Variants in CITED2 observed in about 807,000 individuals in gnomAD.
The protein encoded by CITED2 is cbp/p300-interacting transactivator 2.
A neutral mutation model predicts 11.8 loss-of-function variants in CITED2; 2 were observed. The ratio of observed to expected loss-of-function variants is 0.17; its 90% CI spans 0.07 to 0.54. CITED2 has a LOEUF of 0.54. Among genes scored for constraint, CITED2 ranks in the 20% least tolerant of loss-of-function variants. The pLI is 0.94. For missense variants in CITED2, 437 were observed against 390.2 expected (o/e 1.12, Z -1.01); for synonymous variants, 210 against 153.0 (o/e 1.37, Z -2.75).
chr6:139,373,084 G>A lies in CITED2; in HGVS notation c.*48C>T, dbSNP rs373695259. ...TAAGGGAATGTTTCTTTTAATTCAC[G>A]CCGAAGAAGTTGGGGGTTTGATTTC... On this transcript the variant is annotated 3_prime_UTR_variant, in exon 2 of 2. Transcript: ENST00000367651. 78 of 1,534,500 alleles carry A rather than the reference G, an allele frequency of 5.1e-5. 1 individual carries two copies. The African/African-American group carries it at 9.0e-4, about 18-fold the overall frequency.
chr6:139,373,464 T>A lies in CITED2; in HGVS notation c.481A>T (p.Ser161Cys). The change falls in exon 2 of 2, where the codon AGC (serine) becomes TGC (cysteine). Residue 161 changes from serine (S) to cysteine (C), a missense_variant. By Grantham distance (112) the Ser-to-Cys change is moderately radical. Transcript: ENST00000367651. ...CCGCCGGGGGTGCTGCTGCCGCCGC[T>A]GTGCTTGGGGTTGCAATCTCGGAAG... ...QHFRDCNPKHSGGSSTPGGSG... is the reference protein window; with the variant it reads ...QHFRDCNPKHCGGSSTPGGSG... 1.9e-6 allele frequency: 3 copies of A among 1,570,760 alleles called. No homozygotes were observed. The highest frequency in any genetic ancestry group is 2.6e-6 in the Non-Finnish European group (3 of 1,159,460).
chr6:139,373,037 C>CTGAAAA lies in CITED2; in HGVS notation c.*89_*94dup. 1 of 1,209,728 alleles carries CTGAAAA rather than the reference C, an allele frequency of 8.3e-7. No individual in the cohort carries two copies. Among genetic ancestry groups the CTGAAAA allele is most frequent in the Non-Finnish European group, 1.2e-6 (1 of 813,294 alleles). 74.9% of individuals were successfully genotyped at this position (1,209,728 alleles called of 1,614,324 possible). On this transcript the variant is annotated 3_prime_UTR_variant, in exon 2 of 2. Transcript: ENST00000367651. ...TCCAAGTTCTCAAACCTTTCAAGATCTGAAAAGTGAGATACTGTGTCTAAG... is the reference window on the plus strand; with the variant it reads ...TCCAAGTTCTCAAACCTTTCAAGATCTGAAAATGAAAAGTGAGATACTGTGTCTAAG...
chr6:139,373,072 C>T lies in CITED2; in HGVS notation c.*60G>A, dbSNP rs1778284114. On this transcript the variant is annotated 3_prime_UTR_variant, in exon 2 of 2. Coordinates refer to ENST00000367651, the MANE Select transcript of CITED2 (RefSeq NM_006079.5). ...AGATACTGTGTCTAAGGGAATGTTT[C>T]TTTTAATTCACGCCGAAGAAGTTGG... is the stretch of plus-strand genomic sequence containing the variant. 4.0e-6 allele frequency: 6 copies of T among 1,486,406 alleles called. No individual in the cohort carries two copies. Among genetic ancestry groups the T allele is most frequent in the Non-Finnish European group, 4.7e-6 (5 of 1,064,626 alleles). The allele number at this position is 1,486,406 out of a possible 1,614,324, so 92.1% of individuals were successfully genotyped here.
chr6:139,374,053 G>A, intron 1 of CITED2, 101 bp from the exon 2 acceptor site: 1 of 1,527,214 alleles, frequency 6.5e-7, no homozygotes, highest in Non-Finnish European at 8.8e-7. Context: ...ATTCCCGGGC[G>A]CACGTCGGCT....
chr6:139,374,254 T>G (rs1778331063), intron 1 of CITED2, 159 bp downstream of exon 1: 1 of 1,327,330 alleles, frequency 7.5e-7, no homozygotes, highest in African/African-American at 1.5e-5. Flanking sequence ...CCCGTAGCCC[T>G]GCTGCGAACT....
intron 1 of CITED2, 27 bp from the exon 2 acceptor site, chr6:139,373,979 G>C (rs752938763): frequency 4.4e-6 from 7 of 1,583,302 alleles, no homozygotes; most frequent in Non-Finnish European, 6.0e-6. Context: ...CAGATAATGA[G>C]ACCCGCGCCA....
rs1028523034 is a variant in CITED2 at position 139,374,570 on chromosome 6, G to C, written c.-166C>G. 1.6e-5 allele frequency: 3 copies of C among 183,748 alleles called. No homozygotes were observed. Among genetic ancestry groups the C allele is most frequent in the Non-Finnish European group, 3.4e-5 (3 of 88,284 alleles). The allele number at this position is 183,748 out of a possible 1,614,324, so 11.4% of individuals were successfully genotyped here. A position where few individuals can be genotyped will look rare whatever the true frequency, so the allele number is the denominator to read the frequency against. ...TCGCAGCGGCCGCTGGGGCAGATTC[G>C]GAGCCGTTCCCTTTTATTTCCCCTC... On this transcript the variant is annotated 5_prime_UTR_variant, in exon 1 of 2. Coordinates refer to ENST00000367651, the MANE Select transcript of CITED2 (RefSeq NM_006079.5).
chr6:139,373,972 A>T lies in CITED2; in HGVS notation c.-8-20T>A. The T allele has an allele frequency of 1.3e-6, 2 of 1,561,014 alleles. No individual in the cohort carries two copies. Among genetic ancestry groups the T allele is most frequent in the Non-Finnish European group, 1.7e-6 (2 of 1,155,548 alleles). Reference sequence around the variant, plus strand: ...CCAGTCCTGGAAGTGAAAAGGGCAGATAATGAGACCCGCGCCACACGTGTC... The same window carrying T: ...CCAGTCCTGGAAGTGAAAAGGGCAGTTAATGAGACCCGCGCCACACGTGTC... On this transcript the variant is annotated intron_variant, in intron 1 of 1. Transcript: ENST00000367651.
rs371608085 is a variant in CITED2 at position 139,373,088 on chromosome 6, A to C, written c.*44T>G. On this transcript the variant is annotated 3_prime_UTR_variant, in exon 2 of 2. Coordinates refer to ENST00000367651, the MANE Select transcript of CITED2 (RefSeq NM_006079.5). The stretch of plus-strand genomic sequence containing the variant: ...GGAATGTTTCTTTTAATTCACGCCG[A>C]AGAAGTTGGGGGTTTGATTTCTTTC... The C allele has an allele frequency of 1.7e-4, 262 of 1,552,358 alleles. No individual in the cohort carries two copies. The African/African-American group carries it at 3.3e-3, about 20-fold the overall frequency.
Position 139,373,475 on chromosome 6 carries a change from T to A in CITED2, c.470A>T (p.Asn157Ile), listed in dbSNP as rs747496747. The A allele has an allele frequency of 1.2e-6, 2 of 1,602,470 alleles. No homozygotes were observed. The highest frequency in any genetic ancestry group is 4.5e-5 in the East Asian group (2 of 44,578). Residue 157 changes from asparagine to isoleucine, a missense_variant, in exon 2 of 2, where the codon AAC becomes ATC. By Grantham distance (149) the Asn-to-Ile change is moderately radical. Coordinates refer to ENST00000367651, the MANE Select transcript of CITED2 (RefSeq NM_006079.5). ...GCTGCTGCCGCCGCTGTGCTTGGGG[T>A]TGCAATCTCGGAAGTGCTGGTTTGT... ...NGTNQHFRDC[N>I]PKHSGGSSTP...
Position 139,373,953 on chromosome 6 carries a change from C to T in CITED2, c.-8-1G>A. On this transcript the variant is annotated splice_acceptor_variant, in intron 1 of 1. Coordinates refer to ENST00000367651, the MANE Select transcript of CITED2 (RefSeq NM_006079.5). LOFTEE classifies it low-confidence loss of function (5UTR_SPLICE). ...ATCATATGGTCTGCCATTTCCAGTC[C>T]TGGAAGTGAAAAGGGCAGATAATGA... The T allele has an allele frequency of 1.3e-6, 2 of 1,597,326 alleles. No individual in the cohort carries two copies. Among genetic ancestry groups the T allele is most frequent in the Non-Finnish European group, 1.7e-6 (2 of 1,179,362 alleles).
chr6:139,374,114 C>A, intron 1 of CITED2, 162 bp from the exon 2 acceptor site: 3 of 1,496,430 alleles, frequency 2.0e-6, no homozygotes, highest in Non-Finnish European at 2.7e-6. Flanking sequence ...CCCGGGCTAG[C>A]CACCACGGAA....
Position 139,373,609 on chromosome 6 carries a change from G to A in CITED2, c.336C>T (p.Ala112=), listed in dbSNP as rs749894356. The change falls in exon 2 of 2, where the codon GCC becomes GCT. Residue 112 remains alanine, a synonymous_variant. Coordinates refer to ENST00000367651, the MANE Select transcript of CITED2 (RefSeq NM_006079.5). ...PVASQGGSLP[A]SMQLQKLNNQ... ...TGTTGAGCTTCTGCAGCTGCATGCT[G>A]GCCGGCAGGGAGCCTCCCTGGCTGG... is the stretch of plus-strand genomic sequence containing the variant. The A allele has an allele frequency of 4.3e-6, 7 of 1,614,080 alleles. No homozygotes were observed. The Admixed American group carries it at 1.0e-4, about 23-fold the overall frequency.
At position 139,372,949 on chromosome 6, in the gene CITED2, G is replaced by GA. The variant is rs970228906; in HGVS notation, c.*182dup. The GA allele has an allele frequency of 8.5e-5, 56 of 657,912 alleles. No homozygotes were observed. The highest frequency in any genetic ancestry group is 2.3e-4 in the Admixed American group (9 of 39,092). 40.8% of individuals were successfully genotyped at this position (657,912 alleles called of 1,614,324 possible). ...GGCTACAAAAACGAAACAAAAACAG[G>GA]AAAAAAAAGTGGCAGCAATTTTTTT... On this transcript the variant is annotated 3_prime_UTR_variant, in exon 2 of 2. Coordinates refer to ENST00000367651, the MANE Select transcript of CITED2 (RefSeq NM_006079.5).
chr6:139,373,256 G>A lies in CITED2; in HGVS notation c.689C>T (p.Ser230Phe). The A allele has an allele frequency of 1.2e-6, 2 of 1,614,146 alleles. No individual in the cohort carries two copies. Among genetic ancestry groups the A allele is most frequent in the Non-Finnish European group, 1.7e-6 (2 of 1,180,036 alleles). Residue 230 changes from serine (S) to phenylalanine (F), a missense_variant, in exon 2 of 2, where the codon TCC becomes TTC. By Grantham distance (155) the Ser-to-Phe change is radical. Transcript: ENST00000367651. Reference protein sequence around the residue: ...TDFIDEEVLMSLVIEMGLDRI... With the variant: ...TDFIDEEVLMFLVIEMGLDRI... The stretch of plus-strand genomic sequence containing the variant: ...GTCCAAACCCATTTCTATCACCAAG[G>A]ACATAAGAACTTCCTCGTCGATGAA...
Position 139,373,699 on chromosome 6 carries a change from G to T in CITED2, c.246C>A (p.His82Gln). The T allele has an allele frequency of 6.2e-7, 1 of 1,610,772 alleles. No individual in the cohort carries two copies. Among genetic ancestry groups the T allele is most frequent in the Non-Finnish European group, 8.5e-7 (1 of 1,179,750 alleles). Residue 82 changes from histidine (H) to glutamine (Q), a missense_variant, in exon 2 of 2, where the codon CAC becomes CAA. His to Gln is a conservative substitution (Grantham distance 24). Around this residue, in one of 3 missense-constraint regions of CITED2, gnomAD observed 396 missense variants for 325.2 expected, o/e 1.22. Coordinates refer to ENST00000367651, the MANE Select transcript of CITED2 (RefSeq NM_006079.5). ...AMGPGTVNGG[H>Q]PPSALAPAAR... ...CCGCGGGGGCCAGCGCGCTCGGGGG[G>T]TGCCCTCCGTTCACAGTCCCCGGCC...
At position 139,372,449 on chromosome 6, in the gene CITED2, A is replaced by C. The variant is rs1778262894; in HGVS notation, c.*683T>G. On this transcript the variant is annotated 3_prime_UTR_variant, in exon 2 of 2. Coordinates refer to ENST00000367651, the MANE Select transcript of CITED2 (RefSeq NM_006079.5). The stretch of plus-strand genomic sequence containing the variant: ...ATGTTGAAGACAGAAACAAAATAAA[A>C]ATCTGTGAAATGTTTGCCACTGACG... 2 of 87,108 alleles carry C rather than the reference A, an allele frequency of 2.3e-5. No homozygotes were observed. Among genetic ancestry groups the C allele is most frequent in the African/African-American group, 2.0e-4 (2 of 10,088 alleles). 5.4% of individuals were successfully genotyped at this position (87,108 alleles called of 1,614,324 possible). A position where few individuals can be genotyped will look rare whatever the true frequency, so the allele number is the denominator to read the frequency against.
chr6:139,373,394 CCCGAGCTGCTGCCAGAGCCGCCGG>C lies in CITED2; in HGVS notation c.527_550del (p.Pro176_Gly184delinsArg). 1.9e-6 allele frequency: 3 copies of C among 1,567,316 alleles called. No homozygotes were observed. The highest frequency in any genetic ancestry group is 1.7e-6 in the Non-Finnish European group (2 of 1,159,580). On this transcript the variant is annotated inframe_deletion, in exon 2 of 2. Transcript: ENST00000367651. ...GCTGTTGCTGCTGCCCGCGCCGCCG[CCCGAGCTGCTGCCAGAGCCGCCGG>C]GGGTGCTGCTGCCGCCCGAGCCGCC...
rs1778289255 is a variant in CITED2 at position 139,373,273 on chromosome 6, G to A, written c.672C>T (p.Asp224=). The A allele has an allele frequency of 3.7e-6, 6 of 1,613,952 alleles. No individual in the cohort carries two copies. The highest frequency in any genetic ancestry group is 4.5e-5 in the East Asian group (2 of 44,878). The change falls in exon 2 of 2, where the codon GAC becomes GAT. Residue 224 remains aspartate (D), a synonymous_variant. Coordinates refer to ENST00000367651, the MANE Select transcript of CITED2 (RefSeq NM_006079.5). The part of the protein sequence containing the change: ...PPNVIDTDFI[D]EEVLMSLVIE... ...TCACCAAGGACATAAGAACTTCCTC[G>A]TCGATGAAATCAGTGTCTATGACAT...
Sources: gnomAD v4.1 joint callset for allele counts on GRCh38, gnomAD v4.1.1 for gene constraint, gnomAD v4.1.1 regional missense constraint, MANE v1.5 for transcripts, NCBI Gene and HGNC (gene_info 2026-07-23, HGNC 2026-07-21) for gene names.